GALNTL6: variants seen among roughly 807,000 people sequenced by gnomAD.
GALNTL6 encodes polypeptide N-acetylgalactosaminyltransferase like 6.
Under a neutral mutation model 73.7 loss-of-function variants are expected in GALNTL6, and 46 were observed. That is an observed-to-expected ratio of 0.62 (90% CI 0.49 to 0.80). GALNTL6 has a LOEUF of 0.80. GALNTL6 is among the 30% of genes least tolerant of loss of function. The pLI is 0.00. For missense variants in GALNTL6, 604 were observed against 755.0 expected, an observed-to-expected ratio of 0.80 and a Z score of 2.34; for synonymous variants, 259 against 263.7, an observed-to-expected ratio of 0.98 and a Z score of 0.17.
chr4:172,548,522 CATT>C (rs1471648846), intron 5 of GALNTL6, among the ~76,000 whole-genome samples: 1 of 152,168 alleles, frequency 6.6e-6, no homozygotes, highest in East Asian at 1.9e-4. Context: ...GTTGTATAAA[CATT>C]AGAGCAATCT....
chr4:172,493,305 C>G (rs1733956893), intron 5 of GALNTL6, among the ~76,000 whole-genome samples: 1 of 152,102 alleles, frequency 6.6e-6, no homozygotes, highest in South Asian at 2.1e-4. Context: ...CAATGGGTTG[C>G]TACCACTAAC....
intron 8 of GALNTL6, among the ~76,000 whole-genome samples, chr4:172,930,176 G>C (rs916465536): frequency 1.8e-4 from 27 of 152,058 alleles, no homozygotes; most frequent in African/African-American, 6.5e-4. Context: ...CACTTGGGAG[G>C]CTGAGGCAGG....
intron 12 of GALNTL6, among the ~76,000 whole-genome samples, chr4:173,028,859 G>A (rs1194238690): frequency 3.3e-5 from 5 of 152,176 alleles, no homozygotes; most frequent in African/African-American, 1.2e-4. Flanking sequence ...CTTGCAAATA[G>A]CATCAAACAG....
At chr4:171,991,521 C>CTTTT (rs1161516710) in intron 2 of GALNTL6, among the ~76,000 whole-genome samples, 2 of 151,696 alleles carry the variant, frequency 1.3e-5, no homozygotes, top group Non-Finnish European at 2.9e-5. Flanking sequence ...AATATCAAGA[C>CTTTT]TTTTTACATA....
intron 5 of GALNTL6, among the ~76,000 whole-genome samples, chr4:172,592,613 C>A (rs1422737299): frequency 2.0e-5 from 3 of 152,048 alleles, no homozygotes; most frequent in Non-Finnish European, 4.4e-5. Flanking sequence ...AGTTTGAGAG[C>A]CATTTTAGAA....
intron 5 of GALNTL6, among the ~76,000 whole-genome samples, chr4:172,514,676 C>G (rs1734539597): frequency 6.6e-6 from 1 of 152,174 alleles, no homozygotes; most frequent in Admixed American, 6.5e-5. Context: ...TTCCTGTAGT[C>G]TTTCCCCAGT....
intron 5 of GALNTL6, among the ~76,000 whole-genome samples, chr4:172,679,489 C>T (rs1732507707): frequency 6.6e-6 from 1 of 151,884 alleles, no homozygotes; most frequent in Non-Finnish European, 1.5e-5. Context: ...CTACAGCTTG[C>T]CAATTTCTGG....
intron 2 of GALNTL6, among the ~76,000 whole-genome samples, chr4:172,196,021 T>A (rs538694338): frequency 0.014 from 2,008 of 144,514 alleles, 51 homozygotes; most frequent in African/African-American, 0.049. Context: ...TTTTTTTTTT[T>A]TTAAATTAAT....
rs546653266 is a variant in GALNTL6 at position 172,145,450 on chromosome 4, G to A, written c.139-84206G>A. On this transcript the variant is annotated intron_variant, in intron 2 of 12. Coordinates refer to ENST00000506823, the MANE Select transcript of GALNTL6 (RefSeq NM_001034845.3). ...TTATTATTTTTTTAGAGACCACGTT[G>A]TCCAGGCTGGTCTCAAACTCCTGGA... Among the ~76,000 whole-genome samples, 18 of 152,132 alleles carry A rather than the reference G, an allele frequency of 1.2e-4. No homozygotes were observed. The East Asian group carries it at 3.3e-3, about 28-fold the overall frequency.
At position 172,187,744 on chromosome 4, in the gene GALNTL6, A is replaced by T. The variant is rs973085126; in HGVS notation, c.139-41912A>T. 7.9e-5 allele frequency among the ~76,000 whole-genome samples: 12 copies of T among 152,238 alleles called. No individual in the cohort carries two copies. In the East Asian group the frequency reaches 2.3e-3, roughly 29 times the overall value. On this transcript the variant is annotated intron_variant, in intron 2 of 12. Transcript: ENST00000506823. ...TGATAATTATGGTTATGTGGCCTTA[A>T]TAGGGATAATGAATTATTTAAAACT... is the stretch of plus-strand genomic sequence containing the variant.
intron 2 of GALNTL6, among the ~76,000 whole-genome samples, chr4:172,156,547 A>ATATATATATAG (rs1734284094): frequency 8.8e-6 from 1 of 113,776 alleles, no homozygotes; most frequent in African/African-American, 3.9e-5. Flanking sequence ...TATAATATAT[A>ATATATATATAG]TATATATATA....
intron 8 of GALNTL6, among the ~76,000 whole-genome samples, chr4:172,914,841 G>A (rs375598789): frequency 3.3e-5 from 5 of 152,096 alleles, no homozygotes; most frequent in Admixed American, 6.6e-5. Context: ...ACAGATTAAC[G>A]AGACAGAAAG....
chr4:172,734,171 G>C (rs1736314449), intron 5 of GALNTL6, among the ~76,000 whole-genome samples: 1 of 152,148 alleles, frequency 6.6e-6, no homozygotes, highest in Non-Finnish European at 1.5e-5. Context: ...AGAGAGATTA[G>C]GGTATCTGGT....
chr4:171,870,342 G>A (rs916675260), intron 2 of GALNTL6, among the ~76,000 whole-genome samples: 4 of 152,096 alleles, frequency 2.6e-5, no homozygotes, highest in Non-Finnish European at 5.9e-5. Flanking sequence ...ATGCAGATAC[G>A]ATAGAACACA....
intron 5 of GALNTL6, among the ~76,000 whole-genome samples, chr4:172,575,516 A>T (rs1272702530): frequency 1.3e-5 from 2 of 152,208 alleles, no homozygotes; most frequent in East Asian, 3.8e-4. Context: ...GTCTAGCAAG[A>T]GATAGAGATA....
At chr4:172,868,634 C>T (rs1355431549) in intron 7 of GALNTL6, among the ~76,000 whole-genome samples, 4 of 152,284 alleles carry the variant, frequency 2.6e-5, no homozygotes, top group Non-Finnish European at 4.4e-5. Flanking sequence ...ATAACAGGAG[C>T]ACCAAGCTGG....
At chr4:172,588,802 G>A (rs1313425705) in intron 5 of GALNTL6, among the ~76,000 whole-genome samples, 2 of 152,136 alleles carry the variant, frequency 1.3e-5, no homozygotes, top group Admixed American at 6.6e-5. Context: ...ACGTGAGCAT[G>A]CTGTATCTCA....
chr4:172,384,562 T>G (rs1294214479), intron 5 of GALNTL6, among the ~76,000 whole-genome samples: 3 of 152,098 alleles, frequency 2.0e-5, no homozygotes, highest in Non-Finnish European at 4.4e-5. Context: ...TTAGTTTTCT[T>G]TATTGTTTTT....
At chr4:171,970,787 A>T (rs934985734) in intron 2 of GALNTL6, among the ~76,000 whole-genome samples, 1 of 152,148 alleles carries the variant, frequency 6.6e-6, no homozygotes, top group Non-Finnish European at 1.5e-5. Context: ...CATTGGCTTT[A>T]AAAAAGATAA....
Sources: allele counts gnomAD v4.1 joint callset (sites outside exome capture counted in the v4.1 genomes callset), GRCh38; gene constraint gnomAD v4.1.1; transcripts MANE v1.5; gene names NCBI Gene and HGNC (gene_info 2026-07-23, HGNC 2026-07-21).